CTNNA3: variants seen among roughly 807,000 people sequenced by gnomAD.
CTNNA3 encodes catenin alpha-3.
Under a neutral mutation model 95.7 loss-of-function variants are expected in CTNNA3, and 76 were observed. The ratio of observed to expected loss-of-function variants is 0.79; its 90% CI spans 0.66 to 0.96. CTNNA3 has a LOEUF of 0.96. CTNNA3 is among the 40% of genes least tolerant of loss of function. The probability of loss-of-function intolerance (pLI) is 0.00; values close to 1 mark genes in which losing one functional copy is unlikely to be tolerated. For synonymous variants in CTNNA3, 431 were observed against 374.4 expected (o/e 1.15, Z -1.74); for missense variants, 1,191 against 1,089.8 (o/e 1.09, Z -1.31).
intron 1 of CTNNA3, among the ~76,000 whole-genome samples, chr10:67,744,603 C>T (rs540389621): frequency 7.3e-5 from 11 of 151,244 alleles, no homozygotes; most frequent in Non-Finnish European, 1.3e-4. Context: ...GCAAGGACTT[C>T]ATGTCTAAAA....
At chr10:67,248,362 C>T (rs543932881) in intron 5 of CTNNA3, among the ~76,000 whole-genome samples, 3 of 152,186 alleles carry the variant, frequency 2.0e-5, no homozygotes, top group African/African-American at 2.4e-5. Context: ...ATCTTTTCAA[C>T]AAATGGTGCT....
chr10:67,192,176 A>G (rs1276989241), intron 6 of CTNNA3, among the ~76,000 whole-genome samples: 1 of 152,000 alleles, frequency 6.6e-6, no homozygotes, highest in East Asian at 1.9e-4. Context: ...TGGTCTCAAC[A>G]ATGTCTTTTT....
At chr10:67,436,695 A>G (rs577868104) in intron 5 of CTNNA3, among the ~76,000 whole-genome samples, 2 of 152,256 alleles carry the variant, frequency 1.3e-5, no homozygotes, top group Admixed American at 1.3e-4. Flanking sequence ...AAGAAGATAC[A>G]CAGATGGCCA....
rs1330387247 is a variant in CTNNA3, at chr10:67,664,204, AT to A, written c.-5-16687del. Among the ~76,000 whole-genome samples, 13 of 152,312 alleles carry A rather than the reference AT, an allele frequency of 8.5e-5. 1 individual carries two copies. Among genetic ancestry groups the A allele is most frequent in the Admixed American group, 8.5e-4 (13 of 15,308 alleles). On this transcript the variant is annotated intron_variant, in intron 1 of 17. Coordinates refer to ENST00000433211, the MANE Select transcript of CTNNA3 (RefSeq NM_013266.4). ...ACATTGTCTTGATCATGTCTGTTCTATTATGTAGATATTTTATCTTATTTAG... is the reference window on the plus strand; with the variant it reads ...ACATTGTCTTGATCATGTCTGTTCTATATGTAGATATTTTATCTTATTTAG...
At chr10:66,542,344 G>A (rs976362144) in intron 10 of CTNNA3, among the ~76,000 whole-genome samples, 2 of 151,960 alleles carry the variant, frequency 1.3e-5, no homozygotes, top group East Asian at 1.9e-4. Flanking sequence ...TTCCTCAGGG[G>A]TCTAGAACTA....
chr10:66,053,065 A>G (rs796858000), intron 15 of CTNNA3, among the ~76,000 whole-genome samples: 39 of 152,262 alleles, frequency 2.6e-4, no homozygotes, highest in African/African-American at 9.4e-4. Flanking sequence ...AATAAGGCTG[A>G]CAAAAATAGT....
chr10:67,373,104 A>C (rs1843544750), intron 5 of CTNNA3, among the ~76,000 whole-genome samples: 1 of 152,204 alleles, frequency 6.6e-6, no homozygotes, highest in Non-Finnish European at 1.5e-5. Flanking sequence ...TAATAATGAC[A>C]GGATGATTCA....
chr10:66,680,908 G>C (rs12763295), intron 9 of CTNNA3, among the ~76,000 whole-genome samples: 3,111 of 152,238 alleles, frequency 0.02, 114 homozygotes, highest in East Asian at 0.16. Context: ...AAGCTAAAAA[G>C]GTAGACAGGA....
At chr10:66,490,044 G>T (rs1241319746) in intron 11 of CTNNA3, among the ~76,000 whole-genome samples, 1 of 152,140 alleles carries the variant, frequency 6.6e-6, no homozygotes, top group African/African-American at 2.4e-5. Flanking sequence ...TATCGAGTGG[G>T]AATTAGAAAA....
intron 11 of CTNNA3, among the ~76,000 whole-genome samples, chr10:66,421,666 C>G (rs1054749319): frequency 6.6e-6 from 1 of 151,144 alleles, no homozygotes; most frequent in Non-Finnish European, 1.5e-5. Context: ...AACCCTGTCT[C>G]TACTAAAAAA....
intron 9 of CTNNA3, among the ~76,000 whole-genome samples, chr10:66,625,585 C>T (rs556045941): frequency 5.3e-5 from 8 of 152,136 alleles, no homozygotes; most frequent in South Asian, 2.1e-4. Flanking sequence ...GACGGGGTTT[C>T]GCCATGTTGG....
At chr10:66,853,290 G>T (rs984319645) in intron 7 of CTNNA3, among the ~76,000 whole-genome samples, 1 of 151,884 alleles carries the variant, frequency 6.6e-6, no homozygotes, top group Non-Finnish European at 1.5e-5. Context: ...TATCCGGCCC[G>T]TTAGAGAAAA....
chr10:67,626,180 C>CA (rs59942742), intron 2 of CTNNA3, among the ~76,000 whole-genome samples: 1,480 of 126,988 alleles, frequency 0.012, 10 homozygotes, highest in Middle Eastern at 0.025. Flanking sequence ...AACCCTGTCT[C>CA]AAAAAAAAAA....
chr10:67,060,743 T>C (rs1161248974), intron 7 of CTNNA3, among the ~76,000 whole-genome samples: 3 of 152,192 alleles, frequency 2.0e-5, no homozygotes, highest in African/African-American at 7.2e-5. Context: ...GCTAGAAAAC[T>C]GTGGTGCCTC....
chr10:67,427,110 G>T (rs1845948110), intron 5 of CTNNA3, among the ~76,000 whole-genome samples: 1 of 152,012 alleles, frequency 6.6e-6, no homozygotes, highest in African/African-American at 2.4e-5. Context: ...TGTCATTAAT[G>T]ATTCTATCTG....
At chr10:67,122,634 A>G (rs1366495633) in intron 7 of CTNNA3, among the ~76,000 whole-genome samples, 2 of 152,228 alleles carry the variant, frequency 1.3e-5, no homozygotes, top group African/African-American at 4.8e-5. Context: ...ACAAAGGAGC[A>G]TTATTACTTA....
At chr10:67,083,645 G>A (rs909540794) in intron 7 of CTNNA3, among the ~76,000 whole-genome samples, 1 of 152,108 alleles carries the variant, frequency 6.6e-6, no homozygotes, top group East Asian at 1.9e-4. Flanking sequence ...AAGAACTTGT[G>A]CATGTATTAA....
intron 5 of CTNNA3, among the ~76,000 whole-genome samples, chr10:67,260,097 G>A (rs754323968): frequency 2.2e-4 from 33 of 152,072 alleles, no homozygotes; most frequent in Admixed American, 2.1e-3. Flanking sequence ...ATACATTAGC[G>A]CTGCGCTAAA....
chr10:66,792,275 T>A (rs76616367), intron 7 of CTNNA3, among the ~76,000 whole-genome samples: 16,008 of 152,256 alleles, frequency 0.11, 918 homozygotes, highest in Non-Finnish European at 0.13. Flanking sequence ...TCATGATGTC[T>A]ACTAATATTC....
Sources: gnomAD v4.1 joint callset for allele counts (sites outside exome capture counted in the v4.1 genomes callset) on GRCh38, gnomAD v4.1.1 for gene constraint, MANE v1.5 for transcripts, NCBI Gene and HGNC (gene_info 2026-07-23, HGNC 2026-07-21) for gene names.